NDUFB6: variants seen among roughly 807,000 people sequenced by gnomAD.
NDUFB6 encodes the protein NADH:ubiquinone oxidoreductase subunit B6.
Under a neutral mutation model 17.5 loss-of-function variants are expected in NDUFB6, and 23 were observed. That is an observed-to-expected ratio of 1.31 (90% confidence interval 0.94 to 1.86). NDUFB6 has a LOEUF of 1.86. Ranked by LOEUF, NDUFB6 falls within the 40% of genes most tolerant of loss-of-function variation. NDUFB6 has a pLI of 0.00. For missense variants in NDUFB6, 167 were observed against 153.8 expected, an observed-to-expected ratio of 1.09 and a Z score of -0.46; for synonymous variants, 60 against 53.5, an observed-to-expected ratio of 1.12 and a Z score of -0.53.
chr9:32,558,788 A>T (rs1221357920), intron 3 of NDUFB6, 122 bp downstream of exon 3: 1 of 606,808 alleles, frequency 1.6e-6, no homozygotes, highest in Non-Finnish European at 2.8e-6. Flanking sequence ...AATACACAAA[A>T]CAGGGACTTA....
chr9:32,560,141 A>G (rs1248404289), intron 2 of NDUFB6, among the ~76,000 whole-genome samples: 1 of 152,242 alleles, frequency 6.6e-6, no homozygotes, highest in Non-Finnish European at 1.5e-5. Flanking sequence ...CAAAGGAGTG[A>G]GCTGAAGCAA....
Position 32,553,715 on chromosome 9 carries a change from A to G in NDUFB6, c.*161T>C. 1 of 578,350 alleles carries G rather than the reference A, an allele frequency of 1.7e-6. No individual in the cohort carries two copies. Among genetic ancestry groups the G allele is most frequent in the Non-Finnish European group, 3.1e-6 (1 of 324,148 alleles). The allele number at this position is 578,350 out of a possible 1,614,324, so 35.8% of individuals were successfully genotyped here. The stretch of plus-strand genomic sequence containing the variant: ...TGTTTAGCATGTCCACTTTTTACTT[A>G]TTGTTAAATTACTCAGTCTCAAATT... On this transcript the variant is annotated 3_prime_UTR_variant, in exon 4 of 4. Coordinates refer to ENST00000379847, the MANE Select transcript of NDUFB6 (RefSeq NM_002493.5).
chr9:32,563,457 T>C (rs1477228710), intron 2 of NDUFB6, among the ~76,000 whole-genome samples: 1 of 149,520 alleles, frequency 6.7e-6, no homozygotes, highest in Non-Finnish European at 1.5e-5. Flanking sequence ...GCGATCCTCC[T>C]GCTTCAGCCT....
intron 2 of NDUFB6, chr9:32,567,712 G>C: frequency 3.0e-6 from 1 of 337,998 alleles, no homozygotes; most frequent in Non-Finnish European, 6.1e-6. Context: ...AATTTTAGGG[G>C]CAACACAAAT....
At chr9:32,566,155 C>A (rs1034911076) in intron 2 of NDUFB6, 6 of 690,578 alleles carry the variant, frequency 8.7e-6, no homozygotes, top group South Asian at 8.2e-5. Context: ...ATGTCACTGG[C>A]GCTTTCACAC....
chr9:32,566,680 C>T, intron 2 of NDUFB6: 1 of 821,648 alleles, frequency 1.2e-6, no homozygotes, highest in Non-Finnish European at 2.2e-6. Flanking sequence ...ATCCGGCTTT[C>T]ACAGCTGTAT....
intron 2 of NDUFB6, among the ~76,000 whole-genome samples, chr9:32,565,004 T>A (rs1821739826): frequency 6.6e-6 from 1 of 152,102 alleles, no homozygotes. Context: ...TTATAAACAA[T>A]TCAGCAGGCC....
chr9:32,569,894 T>A (rs745335949), intron 2 of NDUFB6, among the ~76,000 whole-genome samples: 1 of 152,218 alleles, frequency 6.6e-6, no homozygotes, highest in Non-Finnish European at 1.5e-5. Context: ...CACAGCACAG[T>A]GTAAACATAA....
At chr9:32,569,688 TCTTTTTTTTTG>T (rs906276574) in intron 2 of NDUFB6, among the ~76,000 whole-genome samples, 1 of 47,390 alleles carries the variant, frequency 2.1e-5, no homozygotes, top group Non-Finnish European at 5.6e-5. Flanking sequence ...TATTTTTTTT[TCTTTTTTTTTG>T]GAAACATGGA....
At chr9:32,554,458 G>C (rs1321857399) in intron 3 of NDUFB6, among the ~76,000 whole-genome samples, 1 of 152,216 alleles carries the variant, frequency 6.6e-6, no homozygotes, top group Non-Finnish European at 1.5e-5. Flanking sequence ...ATTGAAGCCA[G>C]AACCAAGTGG....
intron 3 of NDUFB6, among the ~76,000 whole-genome samples, chr9:32,557,772 T>C (rs1202999893): frequency 6.6e-6 from 1 of 152,148 alleles, no homozygotes; most frequent in East Asian, 1.9e-4. Context: ...CCACCGCGCC[T>C]GGCCCCTCCC....
At chr9:32,559,454 T>A (rs1821566508) in intron 2 of NDUFB6, among the ~76,000 whole-genome samples, 1 of 152,222 alleles carries the variant, frequency 6.6e-6, no homozygotes, top group African/African-American at 2.4e-5. Flanking sequence ...TTTTAAGATA[T>A]GTCACTCTGC....
chr9:32,567,673 A>C (rs1180177735), intron 2 of NDUFB6: 5 of 346,696 alleles, frequency 1.4e-5, no homozygotes, highest in Non-Finnish European at 2.4e-5. Context: ...GGTAATCTGC[A>C]CTCAGTGATT....
At position 32,573,039 on chromosome 9, in the gene NDUFB6, C is replaced by T; in HGVS notation, c.22G>A (p.Glu8Lys). The stretch of plus-strand genomic sequence containing the variant: ...CGCAGCTGCTGCAGCCGCAGTTTCT[C>T]ATCCGGAGTGTACCCCGTCATGTCG... MTGYTPDEKLRLQQLREL... is the reference protein window; with the variant it reads MTGYTPDKKLRLQQLREL... Residue 8 changes from glutamate to lysine, a missense_variant, in exon 1 of 4, where the codon GAG (glutamate) becomes AAG (lysine). Coordinates refer to ENST00000379847, the MANE Select transcript of NDUFB6 (RefSeq NM_002493.5). The T allele has an allele frequency of 1.3e-6, 2 of 1,594,168 alleles. No individual in the cohort carries two copies. Among genetic ancestry groups the T allele is most frequent in the South Asian group, 2.2e-5 (2 of 89,592 alleles).
At position 32,559,038 on chromosome 9, in the gene NDUFB6, A is replaced by C. The variant is rs1297625128; in HGVS notation, c.274-84T>G. ...GAAATAGGTCATACCCCAAATTTTAACTTAAGCTCCAAACTTTCACAGAAC... is the reference window on the plus strand; with the variant it reads ...GAAATAGGTCATACCCCAAATTTTACCTTAAGCTCCAAACTTTCACAGAAC... On this transcript the variant is annotated intron_variant, in intron 2 of 3. Transcript: ENST00000379847. 14 of 913,378 alleles carry C rather than the reference A, an allele frequency of 1.5e-5. No individual in the cohort carries two copies. In the East Asian group the frequency reaches 3.5e-4, roughly 23 times the overall value. The allele number at this position is 913,378 out of a possible 1,614,324, so 56.6% of individuals were successfully genotyped here. A position where few individuals can be genotyped will look rare whatever the true frequency, so the allele number is the denominator to read the frequency against.
At chr9:32,561,355 T>A (rs1345202390) in intron 2 of NDUFB6, among the ~76,000 whole-genome samples, 1 of 151,560 alleles carries the variant, frequency 6.6e-6, no homozygotes, top group Non-Finnish European at 1.5e-5. Context: ...AGACAGAGTC[T>A]CGTTATATCG....
At chr9:32,564,345 T>C (rs1022017185) in intron 2 of NDUFB6, among the ~76,000 whole-genome samples, 1 of 152,190 alleles carries the variant, frequency 6.6e-6, no homozygotes, top group Non-Finnish European at 1.5e-5. Flanking sequence ...CCTTACTTTA[T>C]TGCACTTTGC....
At chr9:32,559,074 C>T in intron 2 of NDUFB6, 120 bp from the exon 3 acceptor site, 1 of 602,632 alleles carries the variant, frequency 1.7e-6, no homozygotes, top group Non-Finnish European at 2.9e-6. Flanking sequence ...TCCAGATTCA[C>T]ATATCCAACT....
intron 2 of NDUFB6, among the ~76,000 whole-genome samples, chr9:32,560,075 A>G (rs1821584158): frequency 6.6e-6 from 1 of 152,252 alleles, no homozygotes; most frequent in Non-Finnish European, 1.5e-5. Context: ...TTTACGTGCT[A>G]AAAGGCAAAA....
Sources: allele counts gnomAD v4.1 joint callset (sites outside exome capture counted in the v4.1 genomes callset), GRCh38; gene constraint gnomAD v4.1.1; transcripts MANE v1.5; gene names NCBI Gene and HGNC (gene_info 2026-07-23, HGNC 2026-07-21).